The following PDE1C variants were observed in gnomAD, a reference collection of about 807,000 sequenced individuals.
PDE1C encodes dual specificity calcium/calmodulin-dependent 3',5'-cyclic nucleotide phosphodiesterase 1C.
PDE1C carries 62 observed loss-of-function variants against 93.1 expected under a neutral mutation model. That is an observed-to-expected ratio of 0.67 (90% CI 0.54 to 0.82). PDE1C has a LOEUF of 0.82. Ranked by LOEUF, PDE1C falls within the 40% of genes least tolerant of loss-of-function variation. The pLI, the probability that PDE1C is intolerant of heterozygous loss-of-function variation, is 0.00. For synonymous variants in PDE1C, 325 were observed against 310.1 expected (o/e 1.05, Z -0.50); for missense variants, 742 against 884.6 (o/e 0.84, Z 2.04).
intron 2 of PDE1C, among the ~76,000 whole-genome samples, chr7:32,183,129 C>G (rs1803561019): frequency 6.6e-6 from 1 of 152,044 alleles, no homozygotes; most frequent in Non-Finnish European, 1.5e-5. Flanking sequence ...AACTACAAAC[C>G]ACTGCTCAAT....
At chr7:32,076,069 G>T (rs1277819095), upstream of PDE1C, among the ~76,000 whole-genome samples, 1 of 152,104 alleles carries the variant, frequency 6.6e-6, no homozygotes, top group Non-Finnish European at 1.5e-5. Context: ...CAAAAAAGCT[G>T]CAGGAAAACC....
intron 1 of PDE1C, among the ~76,000 whole-genome samples, chr7:32,392,972 C>G (rs1053060032): frequency 6.9e-6 from 1 of 144,624 alleles, no homozygotes; most frequent in African/African-American, 2.6e-5. Flanking sequence ...TCACTTGAAT[C>G]CTGGAGGCAG....
At chr7:31,807,251 A>G (rs935361683) in intron 16 of PDE1C, among the ~76,000 whole-genome samples, 5 of 151,960 alleles carry the variant, frequency 3.3e-5, no homozygotes, top group African/African-American at 1.2e-4. Flanking sequence ...AGAACAGGCT[A>G]TGGAGGGAAA....
At chr7:32,249,072 T>A (rs1309961548) in intron 1 of PDE1C, among the ~76,000 whole-genome samples, 1 of 151,952 alleles carries the variant, frequency 6.6e-6, no homozygotes, top group East Asian at 1.9e-4. Flanking sequence ...AGATGTTCAA[T>A]GGTCAAAGGT....
intron 6 of PDE1C, among the ~76,000 whole-genome samples, chr7:31,867,349 G>T (rs1431549696): frequency 6.6e-6 from 1 of 152,086 alleles, no homozygotes; most frequent in East Asian, 1.9e-4. Context: ...CTCCACAGTA[G>T]CAGGGCTGCA....
chr7:32,419,854 T>C (rs1044639840), intron 1 of PDE1C, among the ~76,000 whole-genome samples: 1 of 151,342 alleles, frequency 6.6e-6, no homozygotes, highest in African/African-American at 2.4e-5. Context: ...TGGTTCCTAA[T>C]CCTAACTCAT....
chr7:32,208,151 G>A (rs552728447), intron 2 of PDE1C, among the ~76,000 whole-genome samples: 29 of 152,210 alleles, frequency 1.9e-4, no homozygotes, highest in African/African-American at 4.3e-4. Flanking sequence ...TTTCATTATC[G>A]TACATTATTA....
In PDE1C at chr7:32,325,656, T is replaced by C. The variant is rs1034884461; in HGVS notation, c.310+102166A>G. Among the ~76,000 whole-genome samples the C allele has an allele frequency of 5.3e-5, 8 of 152,228 alleles. 1 individual carries two copies. The highest frequency in any genetic ancestry group is 1.9e-4 in the African/African-American group (8 of 41,460). On this transcript the variant is annotated intron_variant, in intron 1 of 1. Transcript: ENST00000672256. ...GCCTAAGCACCTAGAAAAGCACTCA[T>C]AGCAGGCTCCCAATAAACATTTGTT...
intron 7 of PDE1C, among the ~76,000 whole-genome samples, chr7:31,855,068 C>G (rs1477707564): frequency 9.1e-5 from 2 of 21,928 alleles, no homozygotes; most frequent in South Asian, 2.1e-3. Context: ...CTCCCTCTGT[C>G]TAAAAAAAAA....
the PDE1C span, among the ~76,000 whole-genome samples, chr7:31,626,078 C>A: frequency 6.6e-6 from 1 of 152,072 alleles, no homozygotes; most frequent in Non-Finnish European, 1.5e-5. Flanking sequence ...AAAGAACAGA[C>A]AGAAGTTCAA....
intron 3 of PDE1C, among the ~76,000 whole-genome samples, chr7:32,137,673 A>G (rs1171934291): frequency 1.3e-5 from 2 of 152,228 alleles, no homozygotes; most frequent in Non-Finnish European, 2.9e-5. Flanking sequence ...TTGTTATACA[A>G]TTTATTCGAC....
chr7:32,069,400 C>A (rs1795764257), intron 1 of PDE1C, among the ~76,000 whole-genome samples: 1 of 152,016 alleles, frequency 6.6e-6, no homozygotes, highest in Admixed American at 6.6e-5. Context: ...TATTTTTAAA[C>A]CACACTAGAT....
intron 1 of PDE1C, among the ~76,000 whole-genome samples, chr7:32,266,427 G>A (rs1204722551): frequency 6.6e-6 from 1 of 151,716 alleles, no homozygotes; most frequent in East Asian, 1.9e-4. Flanking sequence ...CTTGAACACG[G>A]GAGGCAGAGG....
At chr7:32,355,934 C>G (rs1356333999) in intron 1 of PDE1C, among the ~76,000 whole-genome samples, 1 of 152,200 alleles carries the variant, frequency 6.6e-6, no homozygotes, top group Admixed American at 6.5e-5. Flanking sequence ...CCATCATACT[C>G]TCAAATGTTA....
intron 2 of PDE1C, among the ~76,000 whole-genome samples, chr7:32,196,684 T>A (rs1395053858): frequency 7.2e-5 from 11 of 152,192 alleles, no homozygotes; most frequent in Non-Finnish European, 1.5e-4. Context: ...CAGATTTATC[T>A]TTTAAAAGAT....
chr7:32,057,955 T>G (rs1468583260), intron 1 of PDE1C, among the ~76,000 whole-genome samples: 2 of 152,212 alleles, frequency 1.3e-5, no homozygotes, highest in African/African-American at 4.8e-5. Context: ...TTTTTTAAAG[T>G]GAGTATCTTT....
chr7:32,066,750 C>A (rs1795454033), intron 1 of PDE1C, among the ~76,000 whole-genome samples: 1 of 151,856 alleles, frequency 6.6e-6, no homozygotes, highest in South Asian at 2.1e-4. Context: ...CAGAGGGACA[C>A]AAAAAAGTAA....
intron 1 of PDE1C, among the ~76,000 whole-genome samples, chr7:32,413,923 G>T (rs1372379870): frequency 6.6e-6 from 1 of 152,016 alleles, no homozygotes; most frequent in African/African-American, 2.4e-5. Flanking sequence ...TCAATTAAAG[G>T]GTGGAGGGAC....
At chr7:31,918,359 T>C (rs970220723) in intron 2 of PDE1C, among the ~76,000 whole-genome samples, 38 of 152,204 alleles carry the variant, frequency 2.5e-4, no homozygotes, top group Admixed American at 2.6e-4. Flanking sequence ...CAAAATAGTA[T>C]TCATTTGTGT....
Sources: gnomAD v4.1 joint callset for allele counts (sites outside exome capture counted in the v4.1 genomes callset) on GRCh38, gnomAD v4.1.1 for gene constraint, MANE v1.5 for transcripts, NCBI Gene and HGNC (gene_info 2026-07-23, HGNC 2026-07-21) for gene names.